TUSC3: variants seen among roughly 807,000 people sequenced by gnomAD.
TUSC3 encodes the protein tumor suppressor candidate 3, also known as dolichyl-diphosphooligosaccharide--protein glycosyltransferase subunit TUSC3.
Under a neutral mutation model 44.8 loss-of-function variants are expected in TUSC3, and 45 were observed. The observed-to-expected ratio is 1.00, with a 90% CI of 0.79 to 1.29. The LOEUF is 1.29. TUSC3 is among the 50% of genes most tolerant of loss of function. TUSC3 has a pLI of 0.00. For synonymous variants in TUSC3, 212 were observed against 152.9 expected (o/e 1.39, Z -2.85); for missense variants, 519 against 437.9 (o/e 1.19, Z -1.65).
chr8:15,667,817 GA>G, intron 5 of TUSC3, among the ~76,000 whole-genome samples: 1 of 151,762 alleles, frequency 6.6e-6, no homozygotes. Flanking sequence ...AATCGCTTAT[GA>G]AAGTTCGTTG....
chr8:15,441,264 G>A (rs1004725829), intron 1 of TUSC3, among the ~76,000 whole-genome samples: 2 of 151,976 alleles, frequency 1.3e-5, no homozygotes, highest in Non-Finnish European at 2.9e-5. Flanking sequence ...AAAATTAGTC[G>A]GGCATGGTGG....
intron 1 of TUSC3, among the ~76,000 whole-genome samples, chr8:15,459,404 A>G (rs115055375): frequency 0.018 from 2,729 of 152,002 alleles, 87 homozygotes; most frequent in African/African-American, 0.062. Context: ...TTTTTTTTAC[A>G]CTTTAACCAA....
intron 1 of TUSC3, among the ~76,000 whole-genome samples, chr8:15,474,104 A>G (rs1348249469): frequency 1.3e-5 from 2 of 152,120 alleles, no homozygotes; most frequent in African/African-American, 2.4e-5. Flanking sequence ...GAATTTATCA[A>G]TATCTTCCCT....
At chr8:15,500,692 C>T (rs994988681) in intron 2 of TUSC3, among the ~76,000 whole-genome samples, 2 of 152,140 alleles carry the variant, frequency 1.3e-5, no homozygotes, top group African/African-American at 4.8e-5. Flanking sequence ...AACAGCAAAT[C>T]ATTTATAAGT....
intron 1 of TUSC3, among the ~76,000 whole-genome samples, chr8:15,551,108 T>G (rs943403325): frequency 6.6e-6 from 1 of 151,778 alleles, no homozygotes; most frequent in Admixed American, 6.6e-5. Flanking sequence ...AATGAGAGGG[T>G]TGAACAAGAT....
chr8:15,804,366 C>T, the TUSC3 span, among the ~76,000 whole-genome samples: 3 of 152,138 alleles, frequency 2.0e-5, no homozygotes, highest in African/African-American at 7.2e-5. Flanking sequence ...GTTTTATTTA[C>T]AATTGCTTTT....
At chr8:15,828,343 G>A in the TUSC3 span, among the ~76,000 whole-genome samples, 1 of 152,138 alleles carries the variant, frequency 6.6e-6, no homozygotes, top group Admixed American at 6.5e-5. Context: ...TATAAACCTA[G>A]TTTTATATCA....
At chr8:15,530,085 G>GA (rs1379267621) in intron 2 of TUSC3, among the ~76,000 whole-genome samples, 1 of 151,570 alleles carries the variant, frequency 6.6e-6, no homozygotes, top group Non-Finnish European at 1.5e-5. Context: ...GCGCCCGGCC[G>GA]AAAAAGTTTT....
At chr8:15,563,346 T>G (rs1485924179) in intron 1 of TUSC3, among the ~76,000 whole-genome samples, 2 of 152,174 alleles carry the variant, frequency 1.3e-5, no homozygotes, top group South Asian at 2.1e-4. Flanking sequence ...AGGCTACTGT[T>G]TGCATGGTGA....
At chr8:15,847,499 G>C in the TUSC3 span, among the ~76,000 whole-genome samples, 810 of 152,134 alleles carry the variant, frequency 5.3e-3, 3 homozygotes, top group African/African-American at 0.019. Context: ...GTTCTTCTTA[G>C]CAGCATTTCC....
the TUSC3 span, among the ~76,000 whole-genome samples, chr8:15,816,786 A>G: frequency 6.6e-6 from 1 of 152,210 alleles, no homozygotes; most frequent in East Asian, 1.9e-4. Flanking sequence ...ACATAATTCA[A>G]CGTCATACAA....
At chr8:15,819,061 C>T in the TUSC3 span, among the ~76,000 whole-genome samples, 1 of 146,468 alleles carries the variant, frequency 6.8e-6, no homozygotes, top group Non-Finnish European at 1.5e-5. Flanking sequence ...CCTGTCTCTA[C>T]AAGAAAAAAA....
At chr8:15,540,682 C>A in intron 1 of TUSC3, 114 bp downstream of exon 1, 1 of 1,371,284 alleles carries the variant, frequency 7.3e-7, no homozygotes, top group Non-Finnish European at 9.6e-7. Flanking sequence ...GTGGGCGATG[C>A]CGGCGCTGGG....
chr8:15,647,518 C>T (rs1372810536), intron 2 of TUSC3, among the ~76,000 whole-genome samples: 1 of 152,014 alleles, frequency 6.6e-6, no homozygotes, highest in Non-Finnish European at 1.5e-5. Context: ...GTCTAAAATT[C>T]CTGTTCTAGT....
chr8:15,781,601 A>G, the TUSC3 span, among the ~76,000 whole-genome samples: 1 of 145,728 alleles, frequency 6.9e-6, no homozygotes, highest in South Asian at 2.1e-4. Flanking sequence ...AAAGAAAAAA[A>G]GAAAATGGAA....
Position 15,541,223 on chromosome 8 carries a change from C to T in TUSC3, c.138+655C>T, listed in dbSNP as rs556858347. Among the ~76,000 whole-genome samples, 4 of 152,336 alleles carry T rather than the reference C, an allele frequency of 2.6e-5. No individual in the cohort carries two copies. The East Asian group carries it at 7.7e-4, about 29-fold the overall frequency. On this transcript the variant is annotated intron_variant, in intron 1 of 10. Coordinates refer to ENST00000503731, the MANE Select transcript of TUSC3 (RefSeq NM_006765.4). The stretch of plus-strand genomic sequence containing the variant: ...GATTTATTTCTGAAGTTCATTCAAT[C>T]TGATTTCAATCTTAATCCACCATTA...
chr8:15,447,997 A>T (rs1394693603), intron 1 of TUSC3, among the ~76,000 whole-genome samples: 1 of 151,140 alleles, frequency 6.6e-6, no homozygotes, highest in Non-Finnish European at 1.5e-5. Flanking sequence ...CACACTAGCA[A>T]TATTTTAAGT....
chr8:15,567,672 G>A (rs1429125702), intron 1 of TUSC3, among the ~76,000 whole-genome samples: 2 of 152,110 alleles, frequency 1.3e-5, no homozygotes, highest in Admixed American at 1.3e-4. Flanking sequence ...GTGACATGAT[G>A]GGTTGGGATA....
chr8:15,785,102 A>G, the TUSC3 span, among the ~76,000 whole-genome samples: 23 of 152,228 alleles, frequency 1.5e-4, no homozygotes, highest in African/African-American at 5.3e-4. Flanking sequence ...CTAAAGAATG[A>G]ATTTCTAACA....
Sources: allele counts gnomAD v4.1 joint callset (sites outside exome capture counted in the v4.1 genomes callset), GRCh38; gene constraint gnomAD v4.1.1; transcripts MANE v1.5; gene names NCBI Gene and HGNC (gene_info 2026-07-23, HGNC 2026-07-21).